Variants in ADAMTS18 observed in about 807,000 individuals in gnomAD.
The protein encoded by ADAMTS18 is A disintegrin and metalloproteinase with thrombospondin motifs 18.
A neutral mutation model predicts 165.9 loss-of-function variants in ADAMTS18; 157 were observed. The observed-to-expected ratio is 0.95, with a 90% CI of 0.83 to 1.08. The LOEUF (loss-of-function observed/expected upper bound fraction) is 1.08. ADAMTS18 is among the 50% of genes least tolerant of loss of function. The pLI, the probability that ADAMTS18 is intolerant of heterozygous loss-of-function variation, is 0.00. For missense variants in ADAMTS18, 2,040 were observed against 1,534.0 expected (o/e 1.33, Z -5.51); for synonymous variants, 782 against 578.2 (o/e 1.35, Z -5.06).
chr16:77,336,573 C>A (rs2058442150), intron 11 of ADAMTS18, among the ~76,000 whole-genome samples: 4 of 152,224 alleles, frequency 2.6e-5, no homozygotes, highest in Admixed American at 2.6e-4. Flanking sequence ...TTCAGATGCT[C>A]TGATGACTTT....
At chr16:77,383,953 G>A (rs1457810621) in intron 3 of ADAMTS18, among the ~76,000 whole-genome samples, 5 of 152,114 alleles carry the variant, frequency 3.3e-5, no homozygotes, top group African/African-American at 1.2e-4. Flanking sequence ...CATTTTCTCA[G>A]TCAGCCTTTT....
intron 10 of ADAMTS18, among the ~76,000 whole-genome samples, chr16:77,351,931 A>C (rs1378811224): frequency 6.6e-6 from 1 of 152,046 alleles, no homozygotes; most frequent in East Asian, 1.9e-4. Context: ...AGAGGGTCTA[A>C]CTTTGTTGCC....
At chr16:77,314,625 A>AT (rs1555511571) in intron 16 of ADAMTS18, among the ~76,000 whole-genome samples, 1 of 132,524 alleles carries the variant, frequency 7.5e-6, no homozygotes, top group Non-Finnish European at 1.6e-5. Context: ...AAAAAAAAAA[A>AT]TGTGTGTGTA....
intron 3 of ADAMTS18, among the ~76,000 whole-genome samples, chr16:77,430,722 G>A (rs559693308): frequency 2.6e-5 from 4 of 152,294 alleles, no homozygotes; most frequent in East Asian, 3.9e-4. Context: ...GGTCCCAAAT[G>A]CTTTTAAAAG....
chr16:77,430,445 T>G (rs1216748304), intron 3 of ADAMTS18, among the ~76,000 whole-genome samples: 1 of 152,238 alleles, frequency 6.6e-6, no homozygotes, highest in Non-Finnish European at 1.5e-5. Flanking sequence ...TGATGTACCA[T>G]GTACATTACT....
chr16:77,400,238 C>A (rs1056644031), intron 3 of ADAMTS18, among the ~76,000 whole-genome samples: 1 of 152,120 alleles, frequency 6.6e-6, no homozygotes, highest in Admixed American at 6.6e-5. Flanking sequence ...AGCCTTGCCT[C>A]CAGCAGACCA....
rs2055421943 is a variant in ADAMTS18, at chr16:77,294,186, G to A, written c.3006+737C>T. Among the ~76,000 whole-genome samples the A allele has an allele frequency of 6.6e-5, 10 of 152,086 alleles. 1 individual carries two copies. The South Asian group carries it at 2.1e-3, about 32-fold the overall frequency. On this transcript the variant is annotated intron_variant, in intron 19 of 22. Coordinates refer to ENST00000282849, the MANE Select transcript of ADAMTS18 (RefSeq NM_199355.4). ...TGTTTGCCAGCAGTGATTGAGCAGT[G>A]GTTGAGCTATCATCTGCAAGGGAAG...
At chr16:77,378,773 T>G (rs1409171417) in intron 3 of ADAMTS18, 1 of 152,082 alleles carries the variant, frequency 6.6e-6, no homozygotes, top group Non-Finnish European at 1.5e-5. Context: ...AGGACATATA[T>G]AACACTCAAT....
At chr16:77,419,982 T>C (rs911547548) in intron 3 of ADAMTS18, among the ~76,000 whole-genome samples, 1 of 130,120 alleles carries the variant, frequency 7.7e-6, no homozygotes, top group Non-Finnish European at 1.6e-5. Flanking sequence ...CGGGCAACAG[T>C]GTGAGACTCT....
At chr16:77,328,548 G>T (rs925487860) in intron 12 of ADAMTS18, among the ~76,000 whole-genome samples, 1 of 152,136 alleles carries the variant, frequency 6.6e-6, no homozygotes, top group Non-Finnish European at 1.5e-5. Context: ...ACACTCTGGA[G>T]CAACTACTTA....
intron 3 of ADAMTS18, among the ~76,000 whole-genome samples, chr16:77,386,622 T>C (rs889414074): frequency 6.6e-6 from 1 of 152,320 alleles, no homozygotes; most frequent in Non-Finnish European, 1.5e-5. Context: ...CTGGTGCCTA[T>C]GAACATTTGA....
chr16:77,367,337 G>T, intron 4 of ADAMTS18, 104 bp downstream of exon 4: 1 of 1,296,512 alleles, frequency 7.7e-7, no homozygotes, highest in Admixed American at 1.8e-5. Flanking sequence ...CAGATGCTCA[G>T]GGTAGCCCCA....
rs77674427 is a variant in ADAMTS18, at chr16:77,410,534, C to T, written c.495+20761G>A. 8.2e-3 allele frequency among the ~76,000 whole-genome samples: 1,249 copies of T among 152,214 alleles called. 22 individuals carry two copies. Among genetic ancestry groups the T allele is most frequent in the African/African-American group, 0.028 (1,151 of 41,538 alleles). On this transcript the variant is annotated intron_variant, in intron 3 of 22. Transcript: ENST00000282849. ...AGATGGCAGTTTGAGAACTGCATCCCTAATCCTATCTTCAAATGAGTAAAC... is the reference window on the plus strand; with the variant it reads ...AGATGGCAGTTTGAGAACTGCATCCTTAATCCTATCTTCAAATGAGTAAAC...
intron 3 of ADAMTS18, among the ~76,000 whole-genome samples, chr16:77,404,301 G>C (rs889895237): frequency 5.9e-5 from 9 of 152,130 alleles, no homozygotes; most frequent in Non-Finnish European, 1.0e-4. Context: ...GAACTTTTCA[G>C]GGCAACAAGC....
intron 3 of ADAMTS18, among the ~76,000 whole-genome samples, chr16:77,421,750 GTCTC>G (rs962551444): frequency 6.6e-6 from 1 of 151,966 alleles, no homozygotes; most frequent in Non-Finnish European, 1.5e-5. Context: ...CACAAAGTAG[GTCTC>G]TCTCTCCCTA....
Position 77,400,424 on chromosome 16 carries a change from T to TTGTGTGTG in ADAMTS18, c.495+30863_495+30870dup, listed in dbSNP as rs145473637. On this transcript the variant is annotated intron_variant, in intron 3 of 22. Coordinates refer to ENST00000282849, the MANE Select transcript of ADAMTS18 (RefSeq NM_199355.4). ...AGTGAACATCCTATTTCAGGGGGAA[T>TTGTGTGTG]TGTGTGTGTGTGTGTGTGTGTGTGT... Among the ~76,000 whole-genome samples the TTGTGTGTG allele has an allele frequency of 1.4e-3, 187 of 136,064 alleles. 3 individuals are homozygous for TTGTGTGTG. The highest frequency in any genetic ancestry group is 3.8e-3 in the Middle Eastern group (1 of 262). 89.3% of individuals were successfully genotyped at this position (136,064 alleles called of 152,430 possible).
At chr16:77,329,129 A>G (rs1168697425) in intron 12 of ADAMTS18, among the ~76,000 whole-genome samples, 1 of 151,798 alleles carries the variant, frequency 6.6e-6, no homozygotes, top group East Asian at 1.9e-4. Flanking sequence ...ATTTTGAGAC[A>G]GAGTCTTGCT....
At chr16:77,358,588 A>G (rs1173978816) in intron 8 of ADAMTS18, among the ~76,000 whole-genome samples, 1 of 152,170 alleles carries the variant, frequency 6.6e-6, no homozygotes, top group Non-Finnish European at 1.5e-5. Flanking sequence ...TAGCAGCACC[A>G]ACATATAAAA....
At chr16:77,418,752 G>C (rs1035816118) in intron 3 of ADAMTS18, among the ~76,000 whole-genome samples, 2 of 152,134 alleles carry the variant, frequency 1.3e-5, no homozygotes, top group African/African-American at 4.8e-5. Flanking sequence ...TCTGAAAAGG[G>C]GACTATTTGG....
Sources: allele counts gnomAD v4.1 joint callset (sites outside exome capture counted in the v4.1 genomes callset), GRCh38; gene constraint gnomAD v4.1.1; transcripts MANE v1.5; gene names NCBI Gene and HGNC (gene_info 2026-07-23, HGNC 2026-07-21).